RTTN: variants seen among roughly 807,000 people sequenced by gnomAD.
RTTN encodes the protein rotatin.
A neutral mutation model predicts 269.2 loss-of-function variants in RTTN; 182 were observed. The observed-to-expected ratio is 0.68, with a 90% CI of 0.60 to 0.76. The LOEUF (loss-of-function observed/expected upper bound fraction) is 0.76. Ranked by LOEUF, RTTN falls within the 30% of genes least tolerant of loss-of-function variation. The pLI, the probability that RTTN is intolerant of heterozygous loss-of-function variation, is 0.00. For missense variants in RTTN, 2,545 were observed against 2,608.6 expected, an observed-to-expected ratio of 0.98 and a Z score of 0.53; for synonymous variants, 1,006 against 963.5, an observed-to-expected ratio of 1.04 and a Z score of -0.82.
intron 7 of RTTN, among the ~76,000 whole-genome samples, chr18:70,195,509 T>C (rs1007693939): frequency 3.9e-5 from 6 of 152,186 alleles, no homozygotes; most frequent in African/African-American, 1.2e-4. Context: ...AACCACATTC[T>C]GTCACATCAC....
intron 43 of RTTN, among the ~76,000 whole-genome samples, chr18:70,025,711 C>T (rs1348601489): frequency 1.3e-5 from 2 of 152,212 alleles, no homozygotes; most frequent in Admixed American, 6.5e-5. Context: ...ACAGAGAAGA[C>T]AGAAACGATT....
chr18:70,145,652 A>G lies in RTTN; in HGVS notation c.2441T>C (p.Ile814Thr), dbSNP rs750808646. 3 of 1,612,174 alleles carry G rather than the reference A, an allele frequency of 1.9e-6. No homozygotes were observed. The Admixed American group carries it at 5.0e-5, about 27-fold the overall frequency. Reference protein sequence around the residue: ...VTDLFIGKKPIELRLDDRREL... With the variant: ...VTDLFIGKKPTELRLDDRREL... ...TCTTCTGTCATCCAGTCTGAGTTCA[A>G]TAGGTTTCTTCCCAATGAATAAATC... Residue 814 changes from isoleucine (I) to threonine (T), a missense_variant, in exon 18 of 49, where the codon ATT becomes ACT. Transcript: ENST00000640769.
At chr18:70,123,900 C>G (rs1367694773) in intron 25 of RTTN, among the ~76,000 whole-genome samples, 2 of 152,068 alleles carry the variant, frequency 1.3e-5, no homozygotes, top group East Asian at 1.9e-4. Context: ...GATGGAAAAG[C>G]AGTAGGAAAA....
At position 70,157,174 on chromosome 18, in the gene RTTN, G is replaced by A. The variant is rs146796813; in HGVS notation, c.1930-6441C>T. Among the ~76,000 whole-genome samples the A allele has an allele frequency of 2.9e-4, 44 of 152,062 alleles. 1 individual carries two copies. The highest frequency in any genetic ancestry group is 8.2e-4 in the African/African-American group (34 of 41,458). Reference sequence around the variant, plus strand: ...CACAAGTGCACTCTCCCAAAGCACCGCCCCACGCCCCCCCAGAGCACTTTC... The same window carrying A: ...CACAAGTGCACTCTCCCAAAGCACCACCCCACGCCCCCCCAGAGCACTTTC... On this transcript the variant is annotated intron_variant, in intron 14 of 48. Coordinates refer to ENST00000640769, the MANE Select transcript of RTTN (RefSeq NM_173630.4).
intron 17 of RTTN, among the ~76,000 whole-genome samples, chr18:70,147,563 T>C (rs567170299): frequency 2.0e-5 from 3 of 152,288 alleles, no homozygotes; most frequent in African/African-American, 7.2e-5. Context: ...AGGTACGCTA[T>C]GAAGTTCTGA....
At position 70,114,497 on chromosome 18, in the gene RTTN, G is replaced by C; in HGVS notation, c.3631C>G (p.Leu1211Val). The change falls in exon 27 of 49, where the codon CTG (leucine) becomes GTG (valine). Residue 1211 changes from leucine to valine, a missense_variant. By Grantham distance (32) the Leu-to-Val change is conservative (BLOSUM62 1). Transcript: ENST00000640769. ...AGCAAGGTATCAAAAAGAGCAATCA[G>C]TTCTTTCTGAAGTTGTTGCCTGACA... ...TAVRQQLQKE[L>V]IALFDTLLLN... 6.2e-7 allele frequency: 1 copy of C among 1,613,518 alleles called. No individual in the cohort carries two copies. The highest frequency in any genetic ancestry group is 8.5e-7 in the Non-Finnish European group (1 of 1,179,578).
intron 34 of RTTN, among the ~76,000 whole-genome samples, chr18:70,072,258 T>C (rs1205731389): frequency 6.6e-6 from 1 of 152,112 alleles, no homozygotes; most frequent in East Asian, 1.9e-4. Flanking sequence ...GTAAAAATTC[T>C]AACAGAATAC....
chr18:70,180,345 A>C (rs1025225531), intron 10 of RTTN, among the ~76,000 whole-genome samples: 3 of 151,944 alleles, frequency 2.0e-5, no homozygotes, highest in African/African-American at 7.3e-5. Flanking sequence ...AAATACAAAA[A>C]TTAGCCAGGA....
chr18:70,042,728 G>A (rs540286395), intron 40 of RTTN, among the ~76,000 whole-genome samples: 1 of 152,244 alleles, frequency 6.6e-6, no homozygotes, highest in South Asian at 2.1e-4. Context: ...ACAGACTATG[G>A]CTTCTAAATT....
intron 10 of RTTN, among the ~76,000 whole-genome samples, chr18:70,184,716 T>TTTTTGTGTGTGTGTGTG (rs59000945): frequency 6.0e-5 from 2 of 33,458 alleles, no homozygotes; most frequent in Admixed American, 4.5e-4. Flanking sequence ...TTTTTTTTTT[T>TTTTTGTGTGTGTGTGTG]TGTGTGTGTG....
chr18:70,141,034 G>A (rs1237495642), intron 19 of RTTN, among the ~76,000 whole-genome samples: 1 of 151,802 alleles, frequency 6.6e-6, no homozygotes, highest in Admixed American at 6.6e-5. Flanking sequence ...AAATTATAAG[G>A]CATACTTTTG....
chr18:70,196,386 G>T, intron 7 of RTTN, 115 bp downstream of exon 7: 1 of 782,130 alleles, frequency 1.3e-6, no homozygotes, highest in South Asian at 2.3e-5. Context: ...TAGGAGTGGG[G>T]AGTTTATGTT....
intron 40 of RTTN, among the ~76,000 whole-genome samples, chr18:70,036,896 A>C (rs1206620556): frequency 6.6e-6 from 1 of 152,216 alleles, no homozygotes; most frequent in African/African-American, 2.4e-5. Flanking sequence ...AAAGTGTCGG[A>C]GATATAGTCT....
chr18:70,057,605 T>C (rs1456559479), intron 37 of RTTN, 137 bp downstream of exon 37: 1 of 617,312 alleles, frequency 1.6e-6, no homozygotes, highest in African/African-American at 1.9e-5. Context: ...TCAAGTAACG[T>C]ATTTCGAATA....
intron 29 of RTTN, 76 bp downstream of exon 29, chr18:70,092,600 T>C: frequency 6.6e-7 from 1 of 1,510,230 alleles, no homozygotes; most frequent in Non-Finnish European, 9.0e-7. Flanking sequence ...CAAGTTTATA[T>C]GCTTGAAATG....
intron 45 of RTTN, 64 bp from the exon 46 acceptor site, chr18:70,017,738 G>T: frequency 7.4e-7 from 1 of 1,348,644 alleles, no homozygotes; most frequent in Non-Finnish European, 1.0e-6. Context: ...CTAGTCCCTT[G>T]GTGACCAATT....
At chr18:70,095,998 GTTTT>G (rs111933421) in intron 28 of RTTN, among the ~76,000 whole-genome samples, 1 of 138,044 alleles carries the variant, frequency 7.2e-6, no homozygotes, top group African/African-American at 2.6e-5. Flanking sequence ...ATTCCCTTTT[GTTTT>G]TTTTTTTTCT....
intron 10 of RTTN, among the ~76,000 whole-genome samples, chr18:70,182,595 G>C (rs1434812985): frequency 6.6e-6 from 1 of 152,126 alleles, no homozygotes; most frequent in African/African-American, 2.4e-5. Context: ...CTTCAAGGAA[G>C]GCAAGGTTAT....
intron 37 of RTTN, among the ~76,000 whole-genome samples, chr18:70,054,864 A>C (rs1034116941): frequency 6.6e-6 from 1 of 152,156 alleles, no homozygotes; most frequent in Admixed American, 6.5e-5. Flanking sequence ...TCAAATTATG[A>C]AATCAATATT....
Sources: gnomAD v4.1 joint callset for allele counts (sites outside exome capture counted in the v4.1 genomes callset) on GRCh38, gnomAD v4.1.1 for gene constraint, MANE v1.5 for transcripts, NCBI Gene and HGNC (gene_info 2026-07-23, HGNC 2026-07-21) for gene names.